The following CSMD1 variants were observed in gnomAD, a reference collection of about 807,000 sequenced individuals.
CSMD1 encodes CUB and sushi domain-containing protein 1.
A neutral mutation model predicts 417.5 loss-of-function variants in CSMD1; 213 were observed. That is an observed-to-expected ratio of 0.51 (90% CI 0.46 to 0.57). CSMD1 has a LOEUF of 0.57. CSMD1 is among the 20% of genes least tolerant of loss of function. The probability of loss-of-function intolerance (pLI) is 0.00; values close to 1 mark genes in which losing one functional copy is unlikely to be tolerated. For synonymous variants in CSMD1, 2,862 were observed against 1,736.8 expected, an observed-to-expected ratio of 1.65 and a Z score of -16.11; for missense variants, 6,923 against 4,529.7, an observed-to-expected ratio of 1.53 and a Z score of -15.17.
chr8:4,274,838 C>G (rs1796383679), intron 3 of CSMD1, among the ~76,000 whole-genome samples: 1 of 152,044 alleles, frequency 6.6e-6, no homozygotes, highest in Admixed American at 6.6e-5. Context: ...GCTTTGAAAA[C>G]TATTGTACTG....
At chr8:4,074,758 A>AG (rs1324432423) in intron 3 of CSMD1, among the ~76,000 whole-genome samples, 1 of 152,146 alleles carries the variant, frequency 6.6e-6, no homozygotes, top group Non-Finnish European at 1.5e-5. Context: ...AACAAAAAAA[A>AG]AACATTGCTT....
At chr8:3,096,705 C>A in intron 47 of CSMD1, 144 bp downstream of exon 47, 1 of 621,034 alleles carries the variant, frequency 1.6e-6, no homozygotes, top group Non-Finnish European at 2.8e-6. Flanking sequence ...TGCATAACCC[C>A]AAACTAGTTT....
intron 10 of CSMD1, among the ~76,000 whole-genome samples, chr8:3,499,364 T>C (rs554668221): frequency 6.6e-6 from 1 of 152,240 alleles, no homozygotes; most frequent in African/African-American, 2.4e-5. Context: ...GGCCTTGTTT[T>C]GGGGATATAG....
intron 7 of CSMD1, among the ~76,000 whole-genome samples, chr8:3,667,144 G>A (rs894417604): frequency 5.3e-5 from 8 of 152,104 alleles, no homozygotes; most frequent in African/African-American, 1.4e-4. Flanking sequence ...GTGAGGTAAA[G>A]GGGGGCTGTT....
At chr8:3,975,940 T>C (rs1332982850) in intron 5 of CSMD1, among the ~76,000 whole-genome samples, 1 of 152,190 alleles carries the variant, frequency 6.6e-6, no homozygotes, top group East Asian at 1.9e-4. Context: ...TGCAGTATGT[T>C]TTATCTATCA....
At chr8:4,158,350 G>C (rs190535736) in intron 3 of CSMD1, among the ~76,000 whole-genome samples, 22 of 151,938 alleles carry the variant, frequency 1.4e-4, no homozygotes, top group Middle Eastern at 3.4e-3. Flanking sequence ...ACATTGCAAA[G>C]AAAACCCGAA....
intron 1 of CSMD1, among the ~76,000 whole-genome samples, chr8:4,754,937 A>T (rs192723856): frequency 6.6e-6 from 1 of 152,048 alleles, no homozygotes; most frequent in East Asian, 2.0e-4. Context: ...GGGAGTTCGA[A>T]ACCAGCCTGG....
At chr8:4,660,117 A>G (rs539521506) in intron 1 of CSMD1, among the ~76,000 whole-genome samples, 7 of 136,458 alleles carry the variant, frequency 5.1e-5, no homozygotes, top group Admixed American at 1.4e-4. Flanking sequence ...ACCAGTGCAA[A>G]AAAAAAAAAA....
chr8:3,297,216 G>C (rs1372722088), intron 25 of CSMD1, among the ~76,000 whole-genome samples: 1 of 152,126 alleles, frequency 6.6e-6, no homozygotes, highest in Non-Finnish European at 1.5e-5. Flanking sequence ...TCAAGGACCA[G>C]AAAGTTCAGT....
chr8:4,537,124 T>A (rs1585219684), intron 2 of CSMD1, among the ~76,000 whole-genome samples: 1 of 152,220 alleles, frequency 6.6e-6, no homozygotes, highest in Non-Finnish European at 1.5e-5. Context: ...TATGCATTTA[T>A]ATGTAAAACT....
At chr8:3,873,172 C>G (rs368134363) in intron 5 of CSMD1, among the ~76,000 whole-genome samples, 1 of 152,044 alleles carries the variant, frequency 6.6e-6, no homozygotes, top group South Asian at 2.1e-4. Context: ...AAAAACAGAA[C>G]TACCATTCAA....
intron 3 of CSMD1, among the ~76,000 whole-genome samples, chr8:4,133,693 C>A (rs1449008945): frequency 1.7e-4 from 18 of 107,422 alleles, no homozygotes; most frequent in African/African-American, 6.1e-4. Context: ...CATTTTTACA[C>A]CATAATACAT....
chr8:3,184,071 C>A (rs1464262599), intron 36 of CSMD1, among the ~76,000 whole-genome samples: 1 of 152,124 alleles, frequency 6.6e-6, no homozygotes, highest in African/African-American at 2.4e-5. Context: ...CTTGATTTGG[C>A]CCAAAGACCC....
At chr8:3,817,569 GC>G (rs561227130) in intron 5 of CSMD1, among the ~76,000 whole-genome samples, 1 of 152,114 alleles carries the variant, frequency 6.6e-6, no homozygotes, top group South Asian at 2.1e-4. Flanking sequence ...ATGAGCCACT[GC>G]GCCTGGCCAT....
chr8:4,590,895 A>T (rs138618010), intron 2 of CSMD1, among the ~76,000 whole-genome samples: 6 of 152,324 alleles, frequency 3.9e-5, no homozygotes, highest in African/African-American at 1.2e-4. Flanking sequence ...CATCGTACAC[A>T]TTTCTGTGAT....
chr8:3,420,032 G>A (rs566357418), intron 12 of CSMD1, among the ~76,000 whole-genome samples: 1 of 152,196 alleles, frequency 6.6e-6, no homozygotes, highest in South Asian at 2.1e-4. Flanking sequence ...AATGCACAGT[G>A]CCTAAATAGA....
At chr8:4,680,490 C>T (rs1375445292) in intron 1 of CSMD1, among the ~76,000 whole-genome samples, 8 of 152,116 alleles carry the variant, frequency 5.3e-5, no homozygotes, top group Non-Finnish European at 1.0e-4. Context: ...TGGGCAGATG[C>T]ATTAAATTAT....
intron 5 of CSMD1, among the ~76,000 whole-genome samples, chr8:3,886,373 G>A (rs1916331): frequency 0.25 from 38,144 of 152,158 alleles, 5,896 homozygotes; most frequent in African/African-American, 0.44. Context: ...TAAACAAACT[G>A]TGGTGGCAAA....
intron 48 of CSMD1, 35 bp from the exon 49 acceptor site, chr8:3,087,320 A>G: frequency 6.2e-7 from 1 of 1,601,726 alleles, no homozygotes; most frequent in Non-Finnish European, 8.5e-7. Context: ...AAATAAGTCA[A>G]CAAGCAAACA....
Sources: allele counts gnomAD v4.1 joint callset (sites outside exome capture counted in the v4.1 genomes callset), GRCh38; gene constraint gnomAD v4.1.1; transcripts MANE v1.5; gene names NCBI Gene and HGNC (gene_info 2026-07-23, HGNC 2026-07-21).